TRIM4: variants seen among roughly 807,000 people sequenced by gnomAD.
TRIM4 encodes tripartite motif containing 4.
TRIM4 carries 29 observed loss-of-function variants against 33.7 expected under a neutral mutation model. That is an observed-to-expected ratio of 0.86 (90% CI 0.64 to 1.17). The LOEUF is 1.17. Ranked by LOEUF, TRIM4 falls within the 50% of genes most tolerant of loss-of-function variation. The pLI is 0.00. For missense variants in TRIM4, 554 were observed against 593.7 expected (o/e 0.93, Z 0.69); for synonymous variants, 224 against 233.0 (o/e 0.96, Z 0.35).
chr7:99,917,924 G>C (rs1819593196), intron 1 of TRIM4: 1 of 892,780 alleles, frequency 1.1e-6, no homozygotes, highest in South Asian at 5.2e-5. Context: ...GAACAGACTT[G>C]AAACAAAAGC....
At chr7:99,903,526 G>A (rs1356208354) in intron 4 of TRIM4, 50 bp downstream of exon 4, 1 of 1,611,062 alleles carries the variant, frequency 6.2e-7, no homozygotes, top group Non-Finnish European at 8.5e-7. Flanking sequence ...TGCTCAGCCT[G>A]TATCTTTACC....
At position 99,912,581 on chromosome 7, in the gene TRIM4, T is replaced by C. The variant is rs377019955; in HGVS notation, c.394-2921A>G. On this transcript the variant is annotated intron_variant, in intron 1 of 5. Coordinates refer to ENST00000349062, the MANE Select transcript of TRIM4 (RefSeq NM_033091.3). ...CAAATGTTAAATCTGGTTAATGATA[T>C]ACATGCTGAAGTATTTTGTTTGCAA... Among the ~76,000 whole-genome samples, 25 of 151,898 alleles carry C rather than the reference T, an allele frequency of 1.6e-4. No homozygotes were observed. In the East Asian group the frequency reaches 3.7e-3, roughly 22 times the overall value.
At chr7:99,894,094 G>A (rs1239792396) in intron 5 of TRIM4, among the ~76,000 whole-genome samples, 1 of 151,604 alleles carries the variant, frequency 6.6e-6, no homozygotes, top group Admixed American at 6.6e-5. Context: ...GTATACCAAA[G>A]GATATATAAA....
At chr7:99,917,635 C>T in intron 1 of TRIM4, 1 of 194,998 alleles carries the variant, frequency 5.1e-6, no homozygotes, top group Non-Finnish European at 9.3e-6. Context: ...AGGAGAATCA[C>T]TTGAACCCGG....
rs966067324 is a variant in TRIM4 at position 99,908,653 on chromosome 7, T to C, written c.649A>G (p.Ile217Val). 8 of 1,614,202 alleles carry C rather than the reference T, an allele frequency of 5.0e-6. No homozygotes were observed. The highest frequency in any genetic ancestry group is 1.1e-5 in the South Asian group (1 of 91,082). The change falls in exon 3 of 6, where the codon ATC becomes GTC. Residue 217 changes from isoleucine to valine, a missense_variant. Transcript: ENST00000349062. Reference sequence around the variant, plus strand: ...AAGATGAGCTTCTTCAATGAAGCGATAGTTTGATTGAGTTTTAACGTGTTC... The same window carrying C: ...AAGATGAGCTTCTTCAATGAAGCGACAGTTTGATTGAGTTTTAACGTGTTC... ...NENTLKLNQT[I>V]ASLKKLILEV...
intron 3 of TRIM4, among the ~76,000 whole-genome samples, chr7:99,907,631 A>T (rs1340483002): frequency 1.3e-5 from 2 of 152,252 alleles, no homozygotes; most frequent in African/African-American, 2.4e-5. Context: ...AAACTTTTAC[A>T]TAATTCTTGG....
chr7:99,916,820 A>G (rs1819565771), intron 1 of TRIM4: 2 of 777,608 alleles, frequency 2.6e-6, no homozygotes, highest in Non-Finnish European at 4.8e-6. Flanking sequence ...CTGCCTTAAA[A>G]CCCTTTTATA....
chr7:99,907,494 A>G (rs1159275498), intron 3 of TRIM4, among the ~76,000 whole-genome samples: 1 of 152,226 alleles, frequency 6.6e-6, no homozygotes, highest in Non-Finnish European at 1.5e-5. Flanking sequence ...GCTGGCTCAC[A>G]TGTATCTTCG....
intron 5 of TRIM4, among the ~76,000 whole-genome samples, chr7:99,896,258 T>C (rs1221522398): frequency 1.3e-5 from 2 of 152,156 alleles, no homozygotes; most frequent in Non-Finnish European, 2.9e-5. Flanking sequence ...ATGGTCCAAG[T>C]AGAATGTGGG....
chr7:99,916,497 C>A (rs1193946261), intron 1 of TRIM4, among the ~76,000 whole-genome samples: 1 of 152,208 alleles, frequency 6.6e-6, no homozygotes, highest in African/African-American at 2.4e-5. Flanking sequence ...CCTAAGACTA[C>A]GCTTCCTCCT....
At chr7:99,892,819 C>T (rs774387063) in intron 5 of TRIM4, 73 bp from the exon 6 acceptor site, 36 of 1,294,072 alleles carry the variant, frequency 2.8e-5, no homozygotes, top group Admixed American at 2.2e-4. Context: ...CCATCTTTTC[C>T]AGCATCAGTT....
intron 4 of TRIM4, 58 bp downstream of exon 4, chr7:99,903,518 C>T (rs1819224627): frequency 2.5e-6 from 4 of 1,608,532 alleles, no homozygotes; most frequent in South Asian, 1.1e-5. Context: ...TTCCCCTCTG[C>T]TCAGCCTGTA....
intron 1 of TRIM4, among the ~76,000 whole-genome samples, chr7:99,912,456 A>T (rs1215071044): frequency 6.7e-6 from 1 of 149,610 alleles, no homozygotes; most frequent in Non-Finnish European, 1.5e-5. Flanking sequence ...GCTTGAACCC[A>T]GAGGCAAAGG....
At chr7:99,910,376 T>TG (rs1367893891) in intron 1 of TRIM4, among the ~76,000 whole-genome samples, 31 of 152,246 alleles carry the variant, frequency 2.0e-4, no homozygotes, top group Admixed American at 5.9e-4. Context: ...TGTAAAGAAA[T>TG]GGTCACTATA....
intron 5 of TRIM4, among the ~76,000 whole-genome samples, chr7:99,894,276 G>C (rs1186541553): frequency 6.6e-6 from 1 of 152,162 alleles, no homozygotes; most frequent in Non-Finnish European, 1.5e-5. Context: ...CTCACAGAAA[G>C]AATTGGGAAA....
chr7:99,895,299 TTTC>T (rs1408793902), intron 5 of TRIM4, among the ~76,000 whole-genome samples: 2 of 152,228 alleles, frequency 1.3e-5, no homozygotes, highest in East Asian at 3.8e-4. Context: ...TGCCTTTTGA[TTTC>T]TTCTTTAATT....
At chr7:99,912,022 T>C (rs1391167016) in intron 1 of TRIM4, among the ~76,000 whole-genome samples, 7 of 152,142 alleles carry the variant, frequency 4.6e-5, no homozygotes, top group Non-Finnish European at 5.9e-5. Context: ...ATTCCATTTA[T>C]ATGAAGTTCT....
chr7:99,899,756 G>T (rs930044527), intron 5 of TRIM4, among the ~76,000 whole-genome samples: 5 of 152,144 alleles, frequency 3.3e-5, no homozygotes, highest in African/African-American at 4.8e-5. Context: ...TGGTGGGTGG[G>T]TGTGTGTGCG....
chr7:99,894,461 A>G (rs1818969854), intron 5 of TRIM4, among the ~76,000 whole-genome samples: 1 of 152,142 alleles, frequency 6.6e-6, no homozygotes, highest in Admixed American at 6.5e-5. Context: ...TCAGGAGTTC[A>G]AGACCAGCCT....
Sources: gnomAD v4.1 joint callset for allele counts (sites outside exome capture counted in the v4.1 genomes callset) on GRCh38, gnomAD v4.1.1 for gene constraint, MANE v1.5 for transcripts, NCBI Gene and HGNC (gene_info 2026-07-23, HGNC 2026-07-21) for gene names.